NAALADL2: variants seen among roughly 807,000 people sequenced by gnomAD.
NAALADL2 encodes the protein N-acetylated alpha-linked acidic dipeptidase like 2, also known as inactive N-acetylated-alpha-linked acidic dipeptidase-like protein 2.
A neutral mutation model predicts 87.2 loss-of-function variants in NAALADL2; 76 were observed. The observed-to-expected ratio is 0.87, with a 90% confidence interval of 0.72 to 1.05. The LOEUF is 1.05. Ranked by LOEUF, NAALADL2 falls within the 50% of genes least tolerant of loss-of-function variation. The pLI, the probability that NAALADL2 is intolerant of heterozygous loss-of-function variation, is 0.00. For missense variants in NAALADL2, 1,089 were observed against 945.8 expected, an observed-to-expected ratio of 1.15 and a Z score of -1.99; for synonymous variants, 354 against 331.0, an observed-to-expected ratio of 1.07 and a Z score of -0.75.
chr3:175,044,603 A>G (rs1234946554), intron 1 of NAALADL2, among the ~76,000 whole-genome samples: 3 of 152,112 alleles, frequency 2.0e-5, no homozygotes, highest in African/African-American at 4.8e-5. Context: ...CACTTCAGGT[A>G]TTTTTTATAG....
chr3:175,603,659 T>C (rs1723260419), intron 10 of NAALADL2, among the ~76,000 whole-genome samples: 2 of 152,188 alleles, frequency 1.3e-5, no homozygotes, highest in Admixed American at 1.3e-4. Context: ...GCCTTCCTTT[T>C]TAAGGTTGAA....
At chr3:175,040,909 C>G (rs535538271) in intron 1 of NAALADL2, among the ~76,000 whole-genome samples, 1 of 152,190 alleles carries the variant, frequency 6.6e-6, no homozygotes, top group Admixed American at 6.6e-5. Context: ...ATGTTCATGC[C>G]TGAGCACACA....
chr3:174,705,877 T>C lies in NAALADL2; in HGVS notation c.-114-31764T>C, dbSNP rs138827262. Among the ~76,000 whole-genome samples, 34 of 152,264 alleles carry C rather than the reference T, an allele frequency of 2.2e-4. No homozygotes were observed. The East Asian group carries it at 5.4e-3, about 24-fold the overall frequency. On this transcript the variant is annotated intron_variant, in intron 2 of 3. Coordinates refer to the NAALADL2 transcript ENST00000434257. ...GATATGTGATCCAGTTTTAAGTGATTTCCCAGGGTGATGCATATAGGTATT... is the reference window on the plus strand; with the variant it reads ...GATATGTGATCCAGTTTTAAGTGATCTCCCAGGGTGATGCATATAGGTATT...
chr3:174,606,780 G>T (rs1408796961), intron 2 of NAALADL2, among the ~76,000 whole-genome samples: 2 of 152,144 alleles, frequency 1.3e-5, no homozygotes, highest in Admixed American at 6.5e-5. Context: ...CCCCAATCTA[G>T]CAAGGCAGGC....
intron 11 of NAALADL2, among the ~76,000 whole-genome samples, chr3:175,731,154 G>C (rs368347207): frequency 9.2e-5 from 14 of 152,250 alleles, no homozygotes; most frequent in African/African-American, 3.4e-4. Flanking sequence ...TCGTGTTATA[G>C]CAAAAAAAGT....
chr3:174,951,843 T>C (rs1740415387), intron 1 of NAALADL2, among the ~76,000 whole-genome samples: 1 of 152,154 alleles, frequency 6.6e-6, no homozygotes, highest in Non-Finnish European at 1.5e-5. Flanking sequence ...TTAAAACCAC[T>C]AGTGATGTCC....
rs574786168 is a variant in NAALADL2, at chr3:175,074,317, G to A, written c.44-22473G>A. ...AAGCTATTAACGTGAGGATATATTT[G>A]GTGATATGTAAGTTATTTTAGGCCA... On this transcript the variant is annotated intron_variant, in intron 1 of 13. Transcript: ENST00000454872. Among the ~76,000 whole-genome samples, 85 of 152,032 alleles carry A rather than the reference G, an allele frequency of 5.6e-4. 1 individual carries two copies. The highest frequency in any genetic ancestry group is 1.8e-3 in the African/African-American group (75 of 41,476).
At chr3:175,023,126 A>G (rs993829038) in intron 1 of NAALADL2, among the ~76,000 whole-genome samples, 2 of 151,156 alleles carry the variant, frequency 1.3e-5, no homozygotes, top group Non-Finnish European at 2.9e-5. Context: ...CAAGGTCTAA[A>G]TAAATAAATA....
intron 1 of NAALADL2, among the ~76,000 whole-genome samples, chr3:174,538,341 A>T (rs1215692457): frequency 1.3e-5 from 2 of 152,064 alleles, no homozygotes; most frequent in East Asian, 3.9e-4. Flanking sequence ...GACCTGCCTC[A>T]TTATATTATC....
At chr3:175,640,444 C>T (rs1729131321) in intron 11 of NAALADL2, among the ~76,000 whole-genome samples, 1 of 152,104 alleles carries the variant, frequency 6.6e-6, no homozygotes, top group Non-Finnish European at 1.5e-5. Flanking sequence ...TGTGTTCTCA[C>T]TTTATCCTCA....
At chr3:175,433,036 C>G (rs1370647283) in intron 5 of NAALADL2, among the ~76,000 whole-genome samples, 1 of 151,994 alleles carries the variant, frequency 6.6e-6, no homozygotes, top group Non-Finnish European at 1.5e-5. Flanking sequence ...GCTACTTTAT[C>G]TCTTTCATTC....
chr3:174,727,377 G>C (rs1732302000), intron 2 of NAALADL2, among the ~76,000 whole-genome samples: 1 of 151,656 alleles, frequency 6.6e-6, no homozygotes, highest in African/African-American at 2.4e-5. Flanking sequence ...ACTCATTTTT[G>C]ATTGAATAAA....
intron 1 of NAALADL2, among the ~76,000 whole-genome samples, chr3:174,928,933 C>T (rs1736475913): frequency 1.3e-5 from 2 of 152,082 alleles, no homozygotes; most frequent in East Asian, 1.9e-4. Context: ...GTCACTTGCC[C>T]ATATAGAACT....
chr3:175,237,551 G>A (rs1175945063), intron 3 of NAALADL2, among the ~76,000 whole-genome samples: 1 of 152,096 alleles, frequency 6.6e-6, no homozygotes, highest in Non-Finnish European at 1.5e-5. Flanking sequence ...TTGGTTATAT[G>A]TTCGATATGT....
chr3:175,447,364 C>T lies in NAALADL2; in HGVS notation c.1226C>T (p.Pro409Leu). ...GAAGCGTGTAGCTCTCTAGAGCTTCCAAATAATGGTAAAGTATTTAATGTC... is the reference window on the plus strand; with the variant it reads ...GAAGCGTGTAGCTCTCTAGAGCTTCTAAATAATGGTAAAGTATTTAATGTC... ...KNEACSSLEL[P>L]NNEIRVVSMQ... Residue 409 changes from proline to leucine, a missense_variant, in exon 6 of 14, where the codon CCA (proline) becomes CTA (leucine). Pro to Leu is a moderately conservative substitution (Grantham distance 98). Coordinates refer to ENST00000454872, the MANE Select transcript of NAALADL2 (RefSeq NM_207015.3). 1.3e-6 allele frequency: 2 copies of T among 1,561,952 alleles called. No homozygotes were observed. The highest frequency in any genetic ancestry group is 2.4e-5 in the South Asian group (2 of 82,702).
chr3:174,752,009 G>A (rs1228122645), intron 3 of NAALADL2, among the ~76,000 whole-genome samples: 2 of 151,356 alleles, frequency 1.3e-5, no homozygotes, highest in Non-Finnish European at 2.9e-5. Flanking sequence ...ACACAGTCTC[G>A]CTCTGTTGCC....
At chr3:175,084,904 G>A (rs950461472) in intron 1 of NAALADL2, among the ~76,000 whole-genome samples, 2 of 152,154 alleles carry the variant, frequency 1.3e-5, no homozygotes, top group African/African-American at 2.4e-5. Flanking sequence ...CTAGCAGTAC[G>A]TGAGGACAGA....
intron 2 of NAALADL2, among the ~76,000 whole-genome samples, chr3:174,658,709 C>A (rs1386834173): frequency 2.0e-5 from 3 of 151,936 alleles, no homozygotes; most frequent in Non-Finnish European, 4.4e-5. Context: ...TAAATGTATG[C>A]CTAAATGGTA....
chr3:175,690,066 T>C (rs918269542), intron 11 of NAALADL2, among the ~76,000 whole-genome samples: 19 of 152,164 alleles, frequency 1.2e-4, no homozygotes, highest in African/African-American at 4.6e-4. Context: ...ACACAAAACA[T>C]ATAGAGAGTA....
Sources: allele counts gnomAD v4.1 joint callset (sites outside exome capture counted in the v4.1 genomes callset), GRCh38; gene constraint gnomAD v4.1.1; transcripts MANE v1.5; gene names NCBI Gene and HGNC (gene_info 2026-07-23, HGNC 2026-07-21).